NCAPH2: variants seen among roughly 807,000 people sequenced by gnomAD.
NCAPH2 encodes the protein non-SMC condensin II complex subunit H2.
In NCAPH2, 56 loss-of-function variants were observed where a neutral mutation model predicts 88.6. That is an observed-to-expected ratio of 0.63 (90% CI 0.51 to 0.79). The LOEUF (loss-of-function observed/expected upper bound fraction) is 0.79, where lower values mean the gene tolerates loss of function less well. Ranked by LOEUF, NCAPH2 falls within the 30% of genes least tolerant of loss-of-function variation. The probability of loss-of-function intolerance (pLI) is 0.00; values close to 1 mark genes in which losing one functional copy is unlikely to be tolerated. For synonymous variants in NCAPH2, 378 were observed against 313.6 expected, an observed-to-expected ratio of 1.21 and a Z score of -2.17; for missense variants, 794 against 792.0, an observed-to-expected ratio of 1.00 and a Z score of -0.03.
intron 5 of NCAPH2, 35 bp from the exon 6 acceptor site, chr22:50,517,938 G>T: frequency 6.2e-7 from 1 of 1,608,438 alleles, no homozygotes. Flanking sequence ...GGAGTGGAAG[G>T]GTGCCTGGCT....
At chr22:50,521,926 C>T in intron 12 of NCAPH2, 60 bp from the exon 13 acceptor site, 1 of 1,613,556 alleles carries the variant, frequency 6.2e-7, no homozygotes, top group African/African-American at 1.3e-5. Context: ...GATCAGCACC[C>T]TTTTCCCAAT....
rs2148662406 is a variant in NCAPH2 at position 50,518,016 on chromosome 22, C to G, written c.464C>G (p.Pro155Arg). 6.2e-7 allele frequency: 1 copy of G among 1,614,062 alleles called. No homozygotes were observed. Among genetic ancestry groups the G allele is most frequent in the East Asian group, 2.2e-5 (1 of 44,882 alleles). The change falls in exon 6 of 20, where the codon CCT (proline) becomes CGT (arginine). Residue 155 changes from proline (P) to arginine (R), a missense_variant. Pro to Arg is a moderately radical substitution (Grantham distance 103). Transcript: ENST00000420993. Reference sequence around the variant, plus strand: ...CTCCTGCCCATGGCCCTGGTGGCCCCTGATGAAATGGAGAAGAACAACAAT... The same window carrying G: ...CTCCTGCCCATGGCCCTGGTGGCCCGTGATGAAATGGAGAAGAACAACAAT... ...IPLLPMALVA[P>R]DEMEKNNNPL...
At chr22:50,517,928 G>A (rs2068973865) in intron 5 of NCAPH2, 45 bp from the exon 6 acceptor site, 2 of 1,603,404 alleles carry the variant, frequency 1.2e-6, no homozygotes, top group African/African-American at 1.3e-5. Context: ...GTTCTCCACT[G>A]GAGTGGAAGG....
intron 1 of NCAPH2, among the ~76,000 whole-genome samples, chr22:50,512,534 T>C (rs2068811997): frequency 6.6e-6 from 1 of 150,444 alleles, no homozygotes; most frequent in Non-Finnish European, 1.5e-5. Context: ...TTTCTTTTTT[T>C]TGTCCTTTGT....
rs942527395 is a variant in NCAPH2 at position 50,524,363 on chromosome 22, G to A, written c.*988G>A. ...GTCCCAGGGAGGACCCGAGGCTTGA[G>A]CTGAGAGAGCCTGTGCCAAGCTGTG... On this transcript the variant is annotated 3_prime_UTR_variant, in exon 20 of 20. Coordinates refer to ENST00000420993, the MANE Select transcript of NCAPH2 (RefSeq NM_152299.4). The A allele has an allele frequency of 2.5e-6, 4 of 1,602,294 alleles. No homozygotes were observed. The African/African-American group carries it at 5.3e-5, about 21-fold the overall frequency.
intron 1 of NCAPH2, chr22:50,515,822 G>A (rs928878832): frequency 7.8e-7 from 1 of 1,285,506 alleles, no homozygotes; most frequent in Non-Finnish European, 1.0e-6. Flanking sequence ...TGTACTCTGT[G>A]GACAGCTATG....
intron 8 of NCAPH2, 45 bp downstream of exon 8, chr22:50,518,777 G>A: frequency 6.5e-7 from 1 of 1,545,244 alleles, no homozygotes; most frequent in Non-Finnish European, 8.8e-7. Flanking sequence ...CAGCCAAAGA[G>A]GGGACCAGGG....
Position 50,523,516 on chromosome 22 carries a change from A to C in NCAPH2, c.*141A>C. 6.4e-7 allele frequency: 1 copy of C among 1,555,504 alleles called. No homozygotes were observed. ...TTTTATGTACACCTGCGCAGAGAAG[A>C]GGGCTGCCTGGCCTCCCTGGGCCGC... On this transcript the variant is annotated 3_prime_UTR_variant, in exon 20 of 20. Coordinates refer to ENST00000420993, the MANE Select transcript of NCAPH2 (RefSeq NM_152299.4).
rs143890468 is a variant in NCAPH2, at chr22:50,518,005, C to T, written c.453C>T (p.Ala151=). ...TCATCATCCCCCTCCTGCCCATGGCCCTGGTGGCCCCTGATGAAATGGAGA... is the reference window on the plus strand; with the variant it reads ...TCATCATCCCCCTCCTGCCCATGGCTCTGGTGGCCCCTGATGAAATGGAGA... ...EVLIIPLLPM[A]LVAPDEMEKN... Residue 151 remains alanine (A), a synonymous_variant, in exon 6 of 20, where the codon GCC becomes GCT. Coordinates refer to ENST00000420993, the MANE Select transcript of NCAPH2 (RefSeq NM_152299.4). 5 of 1,613,886 alleles carry T rather than the reference C, an allele frequency of 3.1e-6. No homozygotes were observed. The highest frequency in any genetic ancestry group is 1.3e-5 in the African/African-American group (1 of 74,918).
At chr22:50,521,498 G>A (rs1268286166) in intron 10 of NCAPH2, 45 bp from the exon 11 acceptor site, 2 of 1,600,210 alleles carry the variant, frequency 1.2e-6, no homozygotes, top group East Asian at 2.2e-5. Context: ...AGGGACGGCT[G>A]TGCACCCCCT....
chr22:50,517,512 C>CCT (rs760261671), intron 3 of NCAPH2, 30 bp downstream of exon 3: 3 of 1,613,854 alleles, frequency 1.9e-6, no homozygotes, highest in East Asian at 2.2e-5. Context: ...ACTGTGCTGC[C>CCT]CTGCATGTGG....
In NCAPH2 at chr22:50,518,030, A is replaced by G; in HGVS notation, c.478A>G (p.Lys160Glu). Residue 160 changes from lysine to glutamate, a missense_variant, in exon 6 of 20, where the codon AAG becomes GAG. Physicochemically the swap from Lys to Glu is moderately conservative, Grantham distance 56. This residue lies in a region of NCAPH2 where 735 missense variants were observed against 696.3 expected (regional missense o/e 1.06). Coordinates refer to ENST00000420993, the MANE Select transcript of NCAPH2 (RefSeq NM_152299.4). Reference sequence around the variant, plus strand: ...CCTGGTGGCCCCTGATGAAATGGAGAAGAACAACAATCCCCTGTACAGGTA... The same window carrying G: ...CCTGGTGGCCCCTGATGAAATGGAGGAGAACAACAATCCCCTGTACAGGTA... ...MALVAPDEME[K>E]NNNPLYSRQG... The G allele has an allele frequency of 6.2e-7, 1 of 1,613,938 alleles. No individual in the cohort carries two copies. Among genetic ancestry groups the G allele is most frequent in the Non-Finnish European group, 8.5e-7 (1 of 1,179,952 alleles).
Position 50,508,245 on chromosome 22 carries a change from G to A in NCAPH2, c.-93G>A. On this transcript the variant is annotated 5_prime_UTR_variant, in exon 1 of 20. Coordinates refer to ENST00000420993, the MANE Select transcript of NCAPH2 (RefSeq NM_152299.4). ...CTACGCATTTTCCTGGGCGGGAACA[G>A]CAAAATGGCGCCAGAACTAGTGGCG... is the stretch of plus-strand genomic sequence containing the variant. The A allele has an allele frequency of 5.1e-6, 5 of 988,400 alleles. No individual in the cohort carries two copies. The highest frequency in any genetic ancestry group is 3.3e-5 in the East Asian group (1 of 30,714). The allele number at this position is 988,400 out of a possible 1,614,324, so 61.2% of individuals were successfully genotyped here.
chr22:50,522,435 T>C lies in NCAPH2; in HGVS notation c.1306+20T>C. The C allele has an allele frequency of 1.2e-6, 2 of 1,611,070 alleles. No homozygotes were observed. The highest frequency in any genetic ancestry group is 8.5e-7 in the Non-Finnish European group (1 of 1,178,930). On this transcript the variant is annotated intron_variant, in intron 15 of 19. Transcript: ENST00000420993. ...CAGCAGGTGGGTGCCTGCCAGGGGGTGGGGTGGGGCTTGGCACCTGCCGAC... is the reference window on the plus strand; with the variant it reads ...CAGCAGGTGGGTGCCTGCCAGGGGGCGGGGTGGGGCTTGGCACCTGCCGAC...
At chr22:50,518,994 G>A (rs1457733795) in intron 8 of NCAPH2, among the ~76,000 whole-genome samples, 196 bp from the exon 9 acceptor site, 1 of 152,192 alleles carries the variant, frequency 6.6e-6, no homozygotes, top group African/African-American at 2.4e-5. Context: ...CATTTAAAGA[G>A]GAACATTTGC....
chr22:50,524,188 C>A lies in NCAPH2; in HGVS notation c.*813C>A. 6.2e-7 allele frequency: 1 copy of A among 1,609,222 alleles called. No homozygotes were observed. On this transcript the variant is annotated 3_prime_UTR_variant, in exon 20 of 20. Transcript: ENST00000420993. ...CTCCTTCTCAGCCCTCAGGGCCAGC[C>A]AGGCCCCACCGAGTCCAGCCCCGAA...
Position 50,518,522 on chromosome 22 carries a change from G to T in NCAPH2, c.647-127G>T, listed in dbSNP as rs73443351. On this transcript the variant is annotated intron_variant, in intron 7 of 19. Transcript: ENST00000420993. ...CTCAGGGCCCTGCTGTCTCCCCCCAGCCCAAGGCCTGGAGTCTGCTGGTCT... is the reference window on the plus strand; with the variant it reads ...CTCAGGGCCCTGCTGTCTCCCCCCATCCCAAGGCCTGGAGTCTGCTGGTCT... 448 of 1,102,804 alleles carry T rather than the reference G, an allele frequency of 4.1e-4. No homozygotes were observed. The African/African-American group carries it at 6.5e-3, about 16-fold the overall frequency. The allele number at this position is 1,102,804 out of a possible 1,614,324, so 68.3% of individuals were successfully genotyped here.
chr22:50,523,163 G>A lies in NCAPH2; in HGVS notation c.1674G>A (p.Gln558=). ...EVCRSMLASL[Q]LANDYTVEIT... is the part of the protein sequence containing the mutation. The stretch of plus-strand genomic sequence containing the variant: ...GTCGTTCCATGCTGGCCTCCCTGCA[G>A]CTGGTGAGTAGCCTGGGATACGTGG... Residue 558 remains glutamine, a synonymous_variant, in exon 19 of 20, where the codon CAG becomes CAA. Transcript: ENST00000420993. 6.2e-7 allele frequency: 1 copy of A among 1,613,706 alleles called. No homozygotes were observed.
rs771247457 is a variant in NCAPH2 at position 50,519,368 on chromosome 22, C to T, written c.861+48C>T. The T allele has an allele frequency of 7.5e-6, 12 of 1,605,058 alleles. 1 individual carries two copies. In the South Asian group the frequency reaches 1.2e-4, roughly 16 times the overall value. On this transcript the variant is annotated intron_variant, in intron 9 of 19. Transcript: ENST00000420993. ...CAGAACCTGAGCTGTGAACTGGCAA[C>T]CCTGGCTCTGGGGCCGAGTCACCTT...
Sources: gnomAD v4.1 joint callset for allele counts (sites outside exome capture counted in the v4.1 genomes callset) on GRCh38, gnomAD v4.1.1 for gene constraint, gnomAD v4.1.1 regional missense constraint, MANE v1.5 for transcripts, NCBI Gene and HGNC (gene_info 2026-07-23, HGNC 2026-07-21) for gene names.